The following ITGA2 variants were observed in gnomAD, a reference collection of about 807,000 sequenced individuals.
ITGA2 encodes the protein integrin subunit alpha 2.
ITGA2 carries 101 observed loss-of-function variants against 146.3 expected under a neutral mutation model. The ratio of observed to expected loss-of-function variants is 0.69; its 90% confidence interval spans 0.59 to 0.81. ITGA2 has a LOEUF of 0.81. Ranked by LOEUF, ITGA2 falls within the 40% of genes least tolerant of loss-of-function variation. The probability of loss-of-function intolerance (pLI) is 0.00; values close to 1 mark genes in which losing one functional copy is unlikely to be tolerated. For synonymous variants in ITGA2, 477 were observed against 487.1 expected (o/e 0.98, Z 0.27); for missense variants, 1,281 against 1,402.7 (o/e 0.91, Z 1.39).
At chr5:53,060,144 T>C in intron 11 of ITGA2, 132 bp downstream of exon 11, 1 of 941,312 alleles carries the variant, frequency 1.1e-6, no homozygotes, top group Non-Finnish European at 1.7e-6. Context: ...TACACATACA[T>C]ATGTTGTCTC....
At chr5:53,010,625 T>C (rs1742078133) in intron 1 of ITGA2, among the ~76,000 whole-genome samples, 1 of 152,118 alleles carries the variant, frequency 6.6e-6, no homozygotes, top group African/African-American at 2.4e-5. Flanking sequence ...GCTGACAATA[T>C]TTAGATGAGA....
chr5:53,064,041 A>G (rs1241462120), intron 13 of ITGA2, among the ~76,000 whole-genome samples: 1 of 151,916 alleles, frequency 6.6e-6, no homozygotes, highest in Non-Finnish European at 1.5e-5. Context: ...ACTTGATCAT[A>G]AAATTGAAGA....
rs1441931750 is a variant in ITGA2 at position 53,059,918 on chromosome 5, G to A, written c.1218G>A (p.Gly406=). Residue 406 remains glycine (G), a synonymous_variant, in exon 11 of 30, where the codon GGG becomes GGA. Coordinates refer to ENST00000296585, the MANE Select transcript of ITGA2 (RefSeq NM_002203.4). The part of the protein sequence containing the change: ...LGAVGAFGWS[G]TIVQKTSHGH... Reference sequence around the variant, plus strand: ...CAGTGGGAGCTTTTGGCTGGAGTGGGACCATTGTCCAGAAGACATCTCATG... The same window carrying A: ...CAGTGGGAGCTTTTGGCTGGAGTGGAACCATTGTCCAGAAGACATCTCATG... 2.5e-6 allele frequency: 4 copies of A among 1,612,186 alleles called. No homozygotes were observed. Among genetic ancestry groups the A allele is most frequent in the Non-Finnish European group, 2.5e-6 (3 of 1,178,902 alleles).
rs1028303127 is a variant in ITGA2, at chr5:52,989,486, A to G, written c.18A>G (p.Thr6=). MGPER[T]GAAPLPLLLV... ...GACCCAGGATGGGGCCAGAACGGAC[A>G]GGGGCCGCGCCGCTGCCGCTGCTGC... Residue 6 remains threonine, a synonymous_variant, in exon 1 of 30, where the codon ACA becomes ACG. Coordinates refer to ENST00000296585, the MANE Select transcript of ITGA2 (RefSeq NM_002203.4). 1 of 1,614,152 alleles carries G rather than the reference A, an allele frequency of 6.2e-7. No homozygotes were observed.
At chr5:53,078,965 A>G in intron 24 of ITGA2, 91 bp downstream of exon 24, 1 of 775,246 alleles carries the variant, frequency 1.3e-6, no homozygotes, top group Admixed American at 1.9e-5. Context: ...GTAAAAAGAA[A>G]TTGAAAGAGA....
intron 16 of ITGA2, 71 bp downstream of exon 16, chr5:53,067,328 T>C: frequency 1.9e-6 from 3 of 1,577,404 alleles, no homozygotes; most frequent in South Asian, 1.1e-5. Flanking sequence ...ATATAACATA[T>C]TTTGGTTTGT....
At chr5:52,991,447 A>C (rs1740949500) in intron 1 of ITGA2, among the ~76,000 whole-genome samples, 1 of 152,114 alleles carries the variant, frequency 6.6e-6, no homozygotes, top group South Asian at 2.1e-4. Flanking sequence ...ACTGTTATAA[A>C]ATTATAGTAT....
At chr5:53,057,801 A>G (rs1227421262) in intron 9 of ITGA2, among the ~76,000 whole-genome samples, 2 of 151,926 alleles carry the variant, frequency 1.3e-5, no homozygotes, top group Admixed American at 1.3e-4. Flanking sequence ...CCAACTTTGA[A>G]CACTACCTTG....
intron 9 of ITGA2, among the ~76,000 whole-genome samples, chr5:53,057,812 G>T (rs1390069684): frequency 1.3e-5 from 2 of 151,872 alleles, no homozygotes; most frequent in East Asian, 3.9e-4. Context: ...CACTACCTTG[G>T]AAGTGTTGTT....
At chr5:52,996,503 ATAT>A (rs1253710225) in intron 1 of ITGA2, among the ~76,000 whole-genome samples, 1 of 152,142 alleles carries the variant, frequency 6.6e-6, no homozygotes, top group Non-Finnish European at 1.5e-5. Context: ...AATAGAGAGG[ATAT>A]TAACTAATCA....
rs1376330499 is a variant in ITGA2, at chr5:53,056,601, A to C, written c.1096+452A>C. 4.6e-5 allele frequency among the ~76,000 whole-genome samples: 7 copies of C among 152,158 alleles called. No individual in the cohort carries two copies. The East Asian group carries it at 1.2e-3, about 25-fold the overall frequency. On this transcript the variant is annotated intron_variant, in intron 9 of 29. Coordinates refer to ENST00000296585, the MANE Select transcript of ITGA2 (RefSeq NM_002203.4). ...TTTACCTTTTTACACTGTGTTATGT[A>C]AGTTCTAAAATTCTTGAATTTGTTT...
At chr5:53,040,827 T>A (rs1743756642) in intron 2 of ITGA2, among the ~76,000 whole-genome samples, 2 of 152,176 alleles carry the variant, frequency 1.3e-5, no homozygotes, top group Non-Finnish European at 1.5e-5. Context: ...TGCTAATACT[T>A]CAGGTTAAAA....
At chr5:53,083,532 C>A (rs1579908042) in intron 27 of ITGA2, 79 bp downstream of exon 27, 17 of 912,022 alleles carry the variant, frequency 1.9e-5, no homozygotes, top group Non-Finnish European at 2.9e-5. Flanking sequence ...TCCCCTTTGA[C>A]AAAATAAGTA....
At position 52,999,046 on chromosome 5, in the gene ITGA2, G is replaced by A. The variant is rs942132149; in HGVS notation, c.64+9514G>A. ...CCTTTTTCATAACATGTCTAACTAG[G>A]ATAGCTCTGTTGACAAGTAACAAGA... On this transcript the variant is annotated intron_variant, in intron 1 of 29. Transcript: ENST00000296585. Among the ~76,000 whole-genome samples the A allele has an allele frequency of 2.0e-5, 3 of 152,258 alleles. No homozygotes were observed. In the East Asian group the frequency reaches 5.8e-4, roughly 29 times the overall value.
At position 53,090,897 on chromosome 5, in the gene ITGA2, A is replaced by G. The variant is rs1184111868; in HGVS notation, c.*298A>G. 5 of 577,146 alleles carry G rather than the reference A, an allele frequency of 8.7e-6. No individual in the cohort carries two copies. In the Admixed American group the frequency reaches 9.3e-5, roughly 11 times the overall value. 35.8% of individuals were successfully genotyped at this position (577,146 alleles called of 1,614,324 possible). On this transcript the variant is annotated 3_prime_UTR_variant, in exon 30 of 30. Transcript: ENST00000296585. The stretch of plus-strand genomic sequence containing the variant: ...TACATTCTAATTTGCATTGTGTCAG[A>G]AACATGAAATGCTTCCAAGCATGAC...
intron 1 of ITGA2, among the ~76,000 whole-genome samples, chr5:52,991,061 A>C (rs1740929463): frequency 6.6e-6 from 1 of 152,208 alleles, no homozygotes; most frequent in African/African-American, 2.4e-5. Flanking sequence ...AATGGAATGT[A>C]ACGCTGCAAG....
At chr5:53,071,141 G>T (rs1745375011) in intron 17 of ITGA2, among the ~76,000 whole-genome samples, 1 of 151,880 alleles carries the variant, frequency 6.6e-6, no homozygotes, top group Admixed American at 6.6e-5. Flanking sequence ...AAAGTTGACG[G>T]TTAGATGAAT....
At position 53,080,616 on chromosome 5, in the gene ITGA2, G is replaced by A. The variant is rs199575892; in HGVS notation, c.3034G>A (p.Asp1012Asn). ...PLMYLTGVQT[D>N]KAGDISCNAD... ...GATGTACCTAACTGGGGTGCAAACA[G>A]ACAAGGTAAAGATTAAAAAATTGCC... The change falls in exon 25 of 30, where the codon GAC becomes AAC. Residue 1012 changes from aspartate to asparagine, a missense_variant. Physicochemically the swap from Asp to Asn is conservative, Grantham distance 23. This residue lies in a region of ITGA2 where 475 missense variants were observed against 530.5 expected (regional missense o/e 0.90). Coordinates refer to ENST00000296585, the MANE Select transcript of ITGA2 (RefSeq NM_002203.4). 1.7e-4 allele frequency: 271 copies of A among 1,610,228 alleles called. No individual in the cohort carries two copies. The highest frequency in any genetic ancestry group is 4.3e-4 in the Admixed American group (26 of 59,962).
intron 1 of ITGA2, among the ~76,000 whole-genome samples, chr5:53,019,673 G>A (rs372417572): frequency 8.5e-4 from 129 of 152,242 alleles, no homozygotes; most frequent in African/African-American, 2.7e-3. Flanking sequence ...GTACAGGCAT[G>A]TGCCACCATG....
Sources: allele counts gnomAD v4.1 joint callset (sites outside exome capture counted in the v4.1 genomes callset), GRCh38; gene constraint gnomAD v4.1.1; regional missense constraint gnomAD v4.1.1; transcripts MANE v1.5; gene names NCBI Gene and HGNC (gene_info 2026-07-23, HGNC 2026-07-21).